NAV3: variants seen among roughly 807,000 people sequenced by gnomAD.
NAV3 encodes the protein pore membrane and/or filament interacting like protein 1.
NAV3 carries 87 observed loss-of-function variants against 244.7 expected under a neutral mutation model. The ratio of observed to expected loss-of-function variants is 0.36; its 90% confidence interval spans 0.30 to 0.42. NAV3 has a LOEUF of 0.42. Among genes scored for constraint, NAV3 ranks in the 20% least tolerant of loss-of-function variants. The pLI, the probability that NAV3 is intolerant of heterozygous loss-of-function variation, is 1.00. For synonymous variants in NAV3, 1,126 were observed against 1,042.2 expected (o/e 1.08, Z -1.55); for missense variants, 2,663 against 2,893.3 (o/e 0.92, Z 1.83).
chr12:78,075,635 AAG>A (rs1260309895), intron 12 of NAV3, among the ~76,000 whole-genome samples: 1 of 152,194 alleles, frequency 6.6e-6, no homozygotes, highest in Non-Finnish European at 1.5e-5. Flanking sequence ...TTTAAGTGAA[AAG>A]AGAGTATGAG....
intron 2 of NAV3, among the ~76,000 whole-genome samples, chr12:77,625,924 A>G (rs933600719): frequency 4.6e-5 from 7 of 152,342 alleles, no homozygotes; most frequent in East Asian, 1.9e-4. Flanking sequence ...AAGGAACACA[A>G]TGATTTTCCA....
At chr12:78,117,165 A>ATATATC (rs1955431616) in intron 13 of NAV3, among the ~76,000 whole-genome samples, 1 of 103,828 alleles carries the variant, frequency 9.6e-6, no homozygotes. Context: ...CAGCATATAT[A>ATATATC]TATATATATA....
chr12:77,869,426 C>T (rs1880607830), intron 1 of NAV3, among the ~76,000 whole-genome samples: 1 of 152,062 alleles, frequency 6.6e-6, no homozygotes, highest in African/African-American at 2.4e-5. Context: ...TCTTATTGCC[C>T]ACTATAATTG....
chr12:78,154,289 C>G (rs117893971), intron 22 of NAV3, among the ~76,000 whole-genome samples: 43 of 59,950 alleles, frequency 7.2e-4, no homozygotes, highest in Admixed American at 1.0e-3. Context: ...ATATATACTA[C>G]TATATATTAC....
chr12:77,624,970 C>T (rs1424831200), intron 2 of NAV3, among the ~76,000 whole-genome samples: 1 of 152,090 alleles, frequency 6.6e-6, no homozygotes, highest in East Asian at 1.9e-4. Flanking sequence ...GGCTTAATGC[C>T]TGGGTGATAA....
chr12:77,904,190 C>G (rs1353619335), intron 1 of NAV3, among the ~76,000 whole-genome samples: 1 of 152,208 alleles, frequency 6.6e-6, no homozygotes, highest in Non-Finnish European at 1.5e-5. Context: ...AAGACACATG[C>G]ACACATATGT....
At chr12:78,163,835 C>T (rs964004405) in intron 23 of NAV3, among the ~76,000 whole-genome samples, 4 of 152,000 alleles carry the variant, frequency 2.6e-5, no homozygotes, top group African/African-American at 7.2e-5. Flanking sequence ...GATTTCAGAT[C>T]GTTTTCTCTT....
intron 2 of NAV3, among the ~76,000 whole-genome samples, chr12:77,785,202 G>A (rs1184053971): frequency 1.3e-5 from 2 of 152,046 alleles, no homozygotes; most frequent in Non-Finnish European, 2.9e-5. Context: ...TCCATGCTGT[G>A]CTCCAAATAT....
chr12:78,195,303 T>C (rs1959155371), intron 34 of NAV3, among the ~76,000 whole-genome samples: 1 of 152,020 alleles, frequency 6.6e-6, no homozygotes, highest in Non-Finnish European at 1.5e-5. Flanking sequence ...AAACACATCA[T>C]ACACTTACAC....
At chr12:77,718,092 T>A (rs1484242815) in intron 2 of NAV3, among the ~76,000 whole-genome samples, 1 of 152,146 alleles carries the variant, frequency 6.6e-6, no homozygotes, top group Non-Finnish European at 1.5e-5. Context: ...ATAGTGACAG[T>A]TGTTTTATTT....
chr12:77,749,699 A>G (rs1462519467), intron 2 of NAV3, among the ~76,000 whole-genome samples: 4 of 152,180 alleles, frequency 2.6e-5, no homozygotes, highest in Admixed American at 1.3e-4. Flanking sequence ...GCATAATAGC[A>G]ATACAGTAAA....
chr12:78,034,558 A>G (rs971000038), intron 9 of NAV3, among the ~76,000 whole-genome samples: 1 of 152,206 alleles, frequency 6.6e-6, no homozygotes, highest in Non-Finnish European at 1.5e-5. Flanking sequence ...AAGGGCATAA[A>G]TATTGCTTTT....
rs573278766 is a variant in NAV3, at chr12:77,911,198, C to G, written c.244-29121C>G. ...TGGGGAGGGAGTAAAGAGCCAACTC[C>G]AGGTAAAAAGTGATCAAATGCTTCT... On this transcript the variant is annotated intron_variant, in intron 1 of 39. Transcript: ENST00000397909. Among the ~76,000 whole-genome samples the G allele has an allele frequency of 3.3e-5, 5 of 152,140 alleles. No individual in the cohort carries two copies. The East Asian group carries it at 9.7e-4, about 30-fold the overall frequency.
intron 2 of NAV3, among the ~76,000 whole-genome samples, chr12:77,675,525 A>T (rs1468416048): frequency 6.6e-6 from 1 of 152,158 alleles, no homozygotes; most frequent in African/African-American, 2.4e-5. Flanking sequence ...TCACAGCAAC[A>T]CCTAGATTAG....
intron 12 of NAV3, among the ~76,000 whole-genome samples, chr12:78,113,565 C>G (rs1002896722): frequency 6.6e-6 from 1 of 152,158 alleles, no homozygotes; most frequent in Admixed American, 6.5e-5. Context: ...TACCTTGGCC[C>G]TTATTAGTTA....
Position 78,116,755 on chromosome 12 carries a change from G to A in NAV3, c.2637-17G>A, listed in dbSNP as rs1204400761. 2.6e-6 allele frequency: 4 copies of A among 1,568,468 alleles called. 1 individual carries two copies. The South Asian group carries it at 4.7e-5, about 19-fold the overall frequency. ...ATCCTGTGTTTGATTCACTGCTCTT[G>A]CATGTCTTGCCTTTAGCTGGGATGA... On this transcript the variant is annotated splice_polypyrimidine_tract_variant and intron_variant, in intron 12 of 39. Transcript: ENST00000397909.
chr12:77,831,568 A>G lies in NAV3; in HGVS notation c.107A>G (p.His36Arg), dbSNP rs1873698623. The G allele has an allele frequency of 6.2e-7, 1 of 1,614,092 alleles. No individual in the cohort carries two copies. Among genetic ancestry groups the G allele is most frequent in the Admixed American group, 1.7e-5 (1 of 60,016 alleles). ...AATCTTGGCACTACTGGGTCACAGC[A>G]CTGTTCTTCAAGACCTTTGGAACTT... ...IPNLGTTGSQHCSSRPLELTE... is the reference protein window; with the variant it reads ...IPNLGTTGSQRCSSRPLELTE... Residue 36 changes from histidine to arginine, a missense_variant, in exon 1 of 40, where the codon CAC becomes CGC. Physicochemically the swap from His to Arg is conservative, Grantham distance 29. Coordinates refer to ENST00000397909, the MANE Select transcript of NAV3 (RefSeq NM_001024383.2).
At chr12:77,890,665 G>A (rs184562980) in intron 1 of NAV3, among the ~76,000 whole-genome samples, 2 of 152,080 alleles carry the variant, frequency 1.3e-5, no homozygotes, top group Non-Finnish European at 2.9e-5. Flanking sequence ...GTAAATGCCT[G>A]CTCTATATTG....
intron 2 of NAV3, among the ~76,000 whole-genome samples, chr12:77,719,423 G>A (rs1436794922): frequency 6.7e-6 from 1 of 150,122 alleles, no homozygotes; most frequent in Non-Finnish European, 1.5e-5. Context: ...TTTGACAGTT[G>A]AGTATGATTT....
Sources: gnomAD v4.1 joint callset for allele counts (sites outside exome capture counted in the v4.1 genomes callset) on GRCh38, gnomAD v4.1.1 for gene constraint, MANE v1.5 for transcripts, NCBI Gene and HGNC (gene_info 2026-07-23, HGNC 2026-07-21) for gene names.